Variants in ZNF302 observed in about 807,000 individuals in gnomAD.
The protein encoded by ZNF302 is zinc finger protein 327.
A neutral mutation model predicts 10.8 loss-of-function variants in ZNF302; 12 were observed. The ratio of observed to expected loss-of-function variants is 1.11; its 90% CI spans 0.71 to 1.79. The LOEUF (loss-of-function observed/expected upper bound fraction) is 1.79, where lower values mean the gene tolerates loss of function less well. Among genes scored for constraint, ZNF302 ranks in the 40% most tolerant of loss-of-function variants. The pLI is 0.00. For missense variants in ZNF302, 461 were observed against 471.1 expected (o/e 0.98, Z 0.20); for synonymous variants, 178 against 157.5 (o/e 1.13, Z -0.98).
At chr19:34,682,644 A>G in intron 2 of ZNF302, 133 bp from the exon 3 acceptor site, 1 of 1,358,818 alleles carries the variant, frequency 7.4e-7, no homozygotes, top group Non-Finnish European at 1.0e-6. Context: ...CTTACCTGAC[A>G]TCACATTCCC....
chr19:34,680,393 C>T (rs1192791040), intron 2 of ZNF302, among the ~76,000 whole-genome samples: 1 of 152,004 alleles, frequency 6.6e-6, no homozygotes, highest in East Asian at 1.9e-4. Flanking sequence ...AGTACGGTAG[C>T]CAACAGCCCC....
At chr19:34,676,166 T>G (rs2067939415), upstream of ZNF302, 1 of 152,302 alleles carries the variant, frequency 6.6e-6, no homozygotes, top group African/African-American at 2.4e-5. Flanking sequence ...TTTTACAGAG[T>G]GCTGACTGGT....
chr19:34,684,103 G>A (rs2068504364), intron 4 of ZNF302, 149 bp from the exon 5 acceptor site: 1 of 1,410,036 alleles, frequency 7.1e-7, no homozygotes. Context: ...TCAGAACTAT[G>A]TGTTTTCTGG....
chr19:34,682,509 A>G (rs1327838989), intron 2 of ZNF302: 2 of 320,690 alleles, frequency 6.2e-6, no homozygotes, highest in Non-Finnish European at 1.1e-5. Context: ...ATAATTCTAA[A>G]CTTTTAACAA....
chr19:34,686,311 T>C lies in ZNF302; in HGVS notation c.*1074T>C, dbSNP rs960099050. ...CACCCAGAGGAGCCAGTAAATGTTA[T>C]AATGTTAAAAATTAAAGCTGCAAAA... On this transcript the variant is annotated 3_prime_UTR_variant, in exon 5 of 5. Coordinates refer to ENST00000505242, the MANE Select transcript of ZNF302 (RefSeq NM_001289187.2). 2.1e-4 allele frequency: 32 copies of C among 152,348 alleles called. No homozygotes were observed. Among genetic ancestry groups the C allele is most frequent in the Non-Finnish European group, 1.8e-4 (12 of 68,032 alleles). The allele number at this position is 152,348 out of a possible 1,614,324, so 9.4% of individuals were successfully genotyped here. A position where few individuals can be genotyped will look rare whatever the true frequency, so the allele number is the denominator to read the frequency against.
chr19:34,677,359 T>C (rs2068001598), upstream of ZNF302: 2 of 152,278 alleles, frequency 1.3e-5, no homozygotes. Context: ...GGAAATGTAA[T>C]TTCTTGGTCC....
At chr19:34,680,017 T>A in intron 2 of ZNF302, 1 of 682,702 alleles carries the variant, frequency 1.5e-6, no homozygotes, top group Non-Finnish European at 2.7e-6. Context: ...ATTAAGATAA[T>A]TAGAATTGAA....
At position 34,685,608 on chromosome 19, in the gene ZNF302, A is replaced by G; in HGVS notation, c.*371A>G. On this transcript the variant is annotated 3_prime_UTR_variant, in exon 5 of 5. Coordinates refer to ENST00000505242, the MANE Select transcript of ZNF302 (RefSeq NM_001289187.2). Reference sequence around the variant, plus strand: ...AAGCCTTTAGATCATATGAATCCCTATACATGTGAGAAATCTTACAGAAGA... The same window carrying G: ...AAGCCTTTAGATCATATGAATCCCTGTACATGTGAGAAATCTTACAGAAGA... The G allele has an allele frequency of 2.6e-6, 3 of 1,161,406 alleles. No homozygotes were observed. Among genetic ancestry groups the G allele is most frequent in the South Asian group, 1.3e-5 (1 of 77,884 alleles). 71.9% of individuals were successfully genotyped at this position (1,161,406 alleles called of 1,614,324 possible).
At position 34,683,001 on chromosome 19, in the gene ZNF302, TC is replaced by T. The variant is rs771230844; in HGVS notation, c.130+107del. On this transcript the variant is annotated intron_variant, in intron 3 of 4. Coordinates refer to ENST00000505242, the MANE Select transcript of ZNF302 (RefSeq NM_001289187.2). ...AAATGGCTGAATTTCTGTACCATGC[TC>T]CCGAGGAAATGTGCAGCTCTGTTGT... is the stretch of plus-strand genomic sequence containing the variant. 84 of 1,576,342 alleles carry T rather than the reference TC, an allele frequency of 5.3e-5. 3 individuals are homozygous for T. The East Asian group carries it at 5.8e-4, about 11-fold the overall frequency.
At chr19:34,679,581 G>C (rs1322085343) in intron 2 of ZNF302, among the ~76,000 whole-genome samples, 1 of 152,092 alleles carries the variant, frequency 6.6e-6, no homozygotes, top group East Asian at 1.9e-4. Context: ...CCCCACATAC[G>C]CACAAGCTTG....
upstream of ZNF302, chr19:34,676,344 C>T (rs1035469261): frequency 2.0e-5 from 3 of 152,218 alleles, no homozygotes; most frequent in Admixed American, 2.0e-4. Context: ...AAACGCTCAT[C>T]AGTGCCATGG....
chr19:34,682,493 A>G, intron 2 of ZNF302: 1 of 275,506 alleles, frequency 3.6e-6, no homozygotes, highest in Non-Finnish European at 6.7e-6. Flanking sequence ...ATTTTTAAAA[A>G]TTCATATAAT....
intron 3 of ZNF302, 28 bp downstream of exon 3, chr19:34,682,925 T>A (rs200152367): frequency 6.4e-7 from 1 of 1,562,422 alleles, no homozygotes. Context: ...TCCACTCCAA[T>A]AGGGGACACC....
chr19:34,676,623 T>C (rs1047586050), upstream of ZNF302: 1 of 152,114 alleles, frequency 6.6e-6, no homozygotes, highest in Non-Finnish European at 1.5e-5. Context: ...CCCATGGATT[T>C]TTTCTTGCGT....
intron 2 of ZNF302, among the ~76,000 whole-genome samples, chr19:34,681,005 T>G (rs1267534614): frequency 6.6e-6 from 1 of 152,208 alleles, no homozygotes; most frequent in African/African-American, 2.4e-5. Context: ...TTTTTCTACA[T>G]TTGTGGAGAG....
At chr19:34,679,339 C>G (rs557449023) in intron 2 of ZNF302, among the ~76,000 whole-genome samples, 1 of 152,324 alleles carries the variant, frequency 6.6e-6, no homozygotes, top group Non-Finnish European at 1.5e-5. Flanking sequence ...GCCCTTAACC[C>G]TCATCAGTCT....
intron 2 of ZNF302, 84 bp downstream of exon 2, chr19:34,678,897 C>T: frequency 3.3e-6 from 5 of 1,529,036 alleles, no homozygotes; most frequent in Non-Finnish European, 4.5e-6. Flanking sequence ...CTGTTCCCAC[C>T]TAATCAAGTC....
chr19:34,685,457 A>C lies in ZNF302; in HGVS notation c.*220A>C, dbSNP rs2068612110. The C allele has an allele frequency of 1.3e-6, 2 of 1,596,250 alleles. No homozygotes were observed. The highest frequency in any genetic ancestry group is 1.3e-5 in the African/African-American group (1 of 74,524). The stretch of plus-strand genomic sequence containing the variant: ...TTCAAACCTTACTGTACATCAGAGA[A>C]TTCATACTGGAGAAAAGCCATATAA... On this transcript the variant is annotated 3_prime_UTR_variant, in exon 5 of 5. Transcript: ENST00000505242.
chr19:34,682,090 CAA>C (rs1002413876), intron 2 of ZNF302: 4 of 152,054 alleles, frequency 2.6e-5, no homozygotes, highest in Middle Eastern at 3.2e-3. Context: ...GGTGGATGGG[CAA>C]AGAGACGAGA....
Sources: gnomAD v4.1 joint callset for allele counts (sites outside exome capture counted in the v4.1 genomes callset) on GRCh38, gnomAD v4.1.1 for gene constraint, MANE v1.5 for transcripts, NCBI Gene and HGNC (gene_info 2026-07-23, HGNC 2026-07-21) for gene names.